Variants in NTNG1 observed in about 807,000 individuals in gnomAD.
The protein encoded by NTNG1 is netrin G1.
Under a neutral mutation model 54.0 loss-of-function variants are expected in NTNG1, and 16 were observed. That is an observed-to-expected ratio of 0.30 (90% CI 0.20 to 0.45). The LOEUF is 0.45. Ranked by LOEUF, NTNG1 falls within the 20% of genes least tolerant of loss-of-function variation. NTNG1 has a pLI of 1.00. For missense variants in NTNG1, 530 were observed against 678.7 expected, an observed-to-expected ratio of 0.78 and a Z score of 2.43; for synonymous variants, 255 against 263.1, an observed-to-expected ratio of 0.97 and a Z score of 0.30.
intron 3 of NTNG1, among the ~76,000 whole-genome samples, chr1:107,356,562 G>A (rs1469061786): frequency 6.6e-6 from 1 of 152,042 alleles, no homozygotes; most frequent in Non-Finnish European, 1.5e-5. Context: ...CCAAAGTGCT[G>A]GGATTACAGG....
intron 7 of NTNG1, among the ~76,000 whole-genome samples, chr1:107,467,911 G>A (rs72701245): frequency 3.9e-5 from 6 of 152,072 alleles, no homozygotes; most frequent in Non-Finnish European, 8.8e-5. Context: ...GCACATTCTC[G>A]TGATTCCATA....
intron 2 of NTNG1, among the ~76,000 whole-genome samples, chr1:107,192,380 T>C (rs1032815254): frequency 3.9e-5 from 6 of 152,024 alleles, no homozygotes; most frequent in Non-Finnish European, 8.8e-5. Context: ...AAGACATAAG[T>C]AGATGGATTT....
intron 2 of NTNG1, among the ~76,000 whole-genome samples, chr1:107,173,727 C>CTTTTTTTTTTTTTTT (rs34761958): frequency 8.4e-6 from 1 of 118,612 alleles, no homozygotes; most frequent in African/African-American, 3.4e-5. Context: ...TTCTTTCTTT[C>CTTTTTTTTTTTTTTT]TTTTTTTTTT....
chr1:107,357,104 A>G (rs1391227660), intron 3 of NTNG1, among the ~76,000 whole-genome samples: 1 of 152,170 alleles, frequency 6.6e-6, no homozygotes, highest in African/African-American at 2.4e-5. Context: ...ATCACCAAAT[A>G]TAATTTTTAA....
chr1:107,150,545 T>C (rs4307594), intron 2 of NTNG1, among the ~76,000 whole-genome samples: 47,159 of 152,080 alleles, frequency 0.31, 7,490 homozygotes, highest in African/African-American at 0.38. Flanking sequence ...TGTAACAACA[T>C]GTCCCTTCTG....
intron 2 of NTNG1, among the ~76,000 whole-genome samples, chr1:107,158,500 T>A (rs1655166778): frequency 6.6e-6 from 1 of 152,114 alleles, no homozygotes; most frequent in South Asian, 2.1e-4. Flanking sequence ...TACAAAGAAA[T>A]AGCCCTTTTG....
intron 2 of NTNG1, among the ~76,000 whole-genome samples, chr1:107,279,105 A>G (rs1664668740): frequency 2.6e-5 from 4 of 152,176 alleles, no homozygotes; most frequent in South Asian, 2.1e-4. Flanking sequence ...TTCCTTCTCT[A>G]TAGAACTATG....
At chr1:107,399,682 A>G (rs1672897604) in intron 4 of NTNG1, among the ~76,000 whole-genome samples, 1 of 152,194 alleles carries the variant, frequency 6.6e-6, no homozygotes, top group African/African-American at 2.4e-5. Context: ...GAATATTGTG[A>G]TTTCAGAGGA....
intron 2 of NTNG1, among the ~76,000 whole-genome samples, chr1:107,215,564 G>C (rs142250671): frequency 2.1e-4 from 32 of 152,260 alleles, no homozygotes; most frequent in African/African-American, 6.7e-4. Flanking sequence ...GTCAGGTAAT[G>C]TAATGCCTCC....
In NTNG1 at chr1:107,484,002, A is replaced by T. The variant is rs1042966419; in HGVS notation, c.*3162A>T. Among the ~76,000 whole-genome samples, 1 of 152,182 alleles carries T rather than the reference A, an allele frequency of 6.6e-6. No individual in the cohort carries two copies. The highest frequency in any genetic ancestry group is 1.9e-4 in the East Asian group (1 of 5,192). On this transcript the variant is annotated 3_prime_UTR_variant, in exon 8 of 8. Coordinates refer to ENST00000370068, the MANE Select transcript of NTNG1 (RefSeq NM_001113226.3). ...TGACTCTCCTCCAGCTTTCTCCCAG[A>T]TATCAGGAACCTAGAGTTTCCTACT...
chr1:107,162,045 A>G (rs889235090), intron 2 of NTNG1, among the ~76,000 whole-genome samples: 1 of 152,086 alleles, frequency 6.6e-6, no homozygotes, highest in Non-Finnish European at 1.5e-5. Flanking sequence ...GTACATATGT[A>G]TGCATATGTA....
intron 3 of NTNG1, among the ~76,000 whole-genome samples, chr1:107,341,639 C>T (rs898511860): frequency 3.9e-5 from 6 of 152,080 alleles, no homozygotes; most frequent in African/African-American, 7.2e-5. Flanking sequence ...TTCATTGGCT[C>T]ATCCTACAGT....
At chr1:107,164,535 C>G (rs1168741532) in intron 2 of NTNG1, among the ~76,000 whole-genome samples, 2 of 152,150 alleles carry the variant, frequency 1.3e-5, no homozygotes, top group Non-Finnish European at 2.9e-5. Context: ...TCTTGGAGCT[C>G]ATAGCGAAAG....
intron 2 of NTNG1, among the ~76,000 whole-genome samples, chr1:107,162,291 A>G (rs968494277): frequency 2.0e-5 from 3 of 152,144 alleles, no homozygotes; most frequent in African/African-American, 7.2e-5. Flanking sequence ...TTGAACTCCT[A>G]TCGACAGATT....
rs1181264337 is a variant in NTNG1, at chr1:107,482,106, C to CCAAAAG, written c.*1270_*1271insAGCAAA. 7.0e-6 allele frequency: 1 copy of CCAAAAG among 142,770 alleles called. No individual in the cohort carries two copies. Among genetic ancestry groups the CCAAAAG allele is most frequent in the Non-Finnish European group, 1.5e-5 (1 of 66,294 alleles). 8.8% of individuals were successfully genotyped at this position (142,770 alleles called of 1,614,324 possible). On this transcript the variant is annotated 3_prime_UTR_variant, in exon 8 of 8. Transcript: ENST00000370068. ...AATCTAAGTGATTGCCAAGATTATG[C>CCAAAAG]CAAAGCCTGTTGGCAGAGTACTAAG... is the stretch of plus-strand genomic sequence containing the variant.
intron 2 of NTNG1, among the ~76,000 whole-genome samples, chr1:107,175,599 C>CTG (rs1403689152): frequency 6.6e-6 from 1 of 151,392 alleles, no homozygotes; most frequent in African/African-American, 2.4e-5. Flanking sequence ...CCATTGCTTT[C>CTG]TGTGTGTTTT....
chr1:107,231,829 A>G (rs1003927422), intron 2 of NTNG1, among the ~76,000 whole-genome samples: 1 of 152,198 alleles, frequency 6.6e-6, no homozygotes, highest in African/African-American at 2.4e-5. Context: ...CGAGAATGAA[A>G]TGAAATTAAC....
At chr1:107,444,527 C>T (rs922702626) in intron 7 of NTNG1, among the ~76,000 whole-genome samples, 2 of 152,118 alleles carry the variant, frequency 1.3e-5, no homozygotes, top group Non-Finnish European at 2.9e-5. Context: ...TCCAGGCACC[C>T]ACTGGCATTC....
At chr1:107,300,368 AT>A (rs1245341257) in intron 2 of NTNG1, among the ~76,000 whole-genome samples, 6 of 152,142 alleles carry the variant, frequency 3.9e-5, no homozygotes. Context: ...ATTTGGCAAT[AT>A]TACATCTGAA....
Sources: allele counts gnomAD v4.1 joint callset (sites outside exome capture counted in the v4.1 genomes callset), GRCh38; gene constraint gnomAD v4.1.1; transcripts MANE v1.5; gene names NCBI Gene and HGNC (gene_info 2026-07-23, HGNC 2026-07-21).